Variants in RAPGEF4 observed in about 807,000 individuals in gnomAD.
RAPGEF4 encodes the protein Rap guanine nucleotide exchange factor 4.
In RAPGEF4, 66 loss-of-function variants were observed where a neutral mutation model predicts 147.9. That is an observed-to-expected ratio of 0.45 (90% CI 0.37 to 0.55). RAPGEF4 has a LOEUF of 0.55. Among genes scored for constraint, RAPGEF4 ranks in the 20% least tolerant of loss-of-function variants. The pLI is 0.00. For missense variants in RAPGEF4, 1,071 were observed against 1,257.3 expected (o/e 0.85, Z 2.24); for synonymous variants, 419 against 442.7 (o/e 0.95, Z 0.67).
chr2:172,818,659 C>T (rs1688748917), intron 4 of RAPGEF4, among the ~76,000 whole-genome samples: 1 of 152,158 alleles, frequency 6.6e-6, no homozygotes, highest in South Asian at 2.1e-4. Flanking sequence ...AGAACACTCC[C>T]ATCAGGATTC....
intron 1 of RAPGEF4, among the ~76,000 whole-genome samples, chr2:172,792,470 C>G (rs1453345685): frequency 6.6e-6 from 1 of 152,188 alleles, no homozygotes; most frequent in African/African-American, 2.4e-5. Context: ...ATCTCAGAGA[C>G]TGGGCACACA....
At chr2:172,976,516 A>G (rs990844701) in intron 10 of RAPGEF4, among the ~76,000 whole-genome samples, 6 of 152,214 alleles carry the variant, frequency 3.9e-5, no homozygotes, top group African/African-American at 1.2e-4. Flanking sequence ...TGCATCAAAA[A>G]TAAAGCATCC....
chr2:172,844,368 C>T (rs1022464264), intron 4 of RAPGEF4, among the ~76,000 whole-genome samples: 2 of 152,240 alleles, frequency 1.3e-5, no homozygotes, highest in Non-Finnish European at 1.5e-5. Flanking sequence ...GGAGAATGGG[C>T]CCTGGAAAGT....
At chr2:172,844,113 C>T (rs1207515763) in intron 4 of RAPGEF4, among the ~76,000 whole-genome samples, 2 of 152,196 alleles carry the variant, frequency 1.3e-5, no homozygotes, top group Non-Finnish European at 1.5e-5. Flanking sequence ...CCACATTAGG[C>T]TGTATTTTAC....
At chr2:172,806,873 T>C (rs1687545413) in intron 3 of RAPGEF4, among the ~76,000 whole-genome samples, 2 of 152,248 alleles carry the variant, frequency 1.3e-5, no homozygotes, top group African/African-American at 4.8e-5. Flanking sequence ...CAGTAACAAA[T>C]GTTTTTAAGC....
Position 173,000,860 on chromosome 2 carries a change from A to C in RAPGEF4, c.1580-406A>C, listed in dbSNP as rs568498019. Among the ~76,000 whole-genome samples, 4 of 151,432 alleles carry C rather than the reference A, an allele frequency of 2.6e-5. No individual in the cohort carries two copies. In the South Asian group the frequency reaches 8.3e-4, roughly 32 times the overall value. On this transcript the variant is annotated intron_variant, in intron 16 of 30. Transcript: ENST00000397081. ...CCTACCTTTCATTGCTTCTTTTGGAAATAGGAGGTGAAAAAGACATAAAAG... is the reference window on the plus strand; with the variant it reads ...CCTACCTTTCATTGCTTCTTTTGGACATAGGAGGTGAAAAAGACATAAAAG...
At chr2:172,874,647 T>C (rs1695664407) in intron 4 of RAPGEF4, among the ~76,000 whole-genome samples, 1 of 152,204 alleles carries the variant, frequency 6.6e-6, no homozygotes, top group Non-Finnish European at 1.5e-5. Flanking sequence ...CAGTCTATCA[T>C]TGTTGGACAT....
intron 16 of RAPGEF4, among the ~76,000 whole-genome samples, chr2:172,997,828 A>G (rs560021306): frequency 6.6e-6 from 1 of 152,206 alleles, no homozygotes; most frequent in Non-Finnish European, 1.5e-5. Flanking sequence ...AGTTGAAGAT[A>G]TCATTATTAT....
chr2:172,974,632 G>A lies in RAPGEF4; in HGVS notation c.1004+7188G>A, dbSNP rs187269770. ...TAGAAAGTGGAGGCTGCAGTGAGCCGTGATCATCTCACTGCTCTCCAGCCT... is the reference window on the plus strand; with the variant it reads ...TAGAAAGTGGAGGCTGCAGTGAGCCATGATCATCTCACTGCTCTCCAGCCT... On this transcript the variant is annotated intron_variant, in intron 10 of 30. Coordinates refer to ENST00000397081, the MANE Select transcript of RAPGEF4 (RefSeq NM_007023.4). Among the ~76,000 whole-genome samples the A allele has an allele frequency of 1.4e-3, 218 of 152,302 alleles. 1 individual carries two copies. The highest frequency in any genetic ancestry group is 2.3e-3 in the Non-Finnish European group (154 of 68,028).
At chr2:172,762,247 G>A (rs1172728285) in intron 1 of RAPGEF4, among the ~76,000 whole-genome samples, 1 of 152,216 alleles carries the variant, frequency 6.6e-6, no homozygotes, top group Non-Finnish European at 1.5e-5. Context: ...TGGTGAGCAT[G>A]TACAGCTCCT....
chr2:172,857,232 A>G (rs965896005), intron 4 of RAPGEF4, among the ~76,000 whole-genome samples: 1 of 152,148 alleles, frequency 6.6e-6, no homozygotes, highest in African/African-American at 2.4e-5. Flanking sequence ...GCCCAAGGTC[A>G]TACAGCTGGT....
intron 10 of RAPGEF4, among the ~76,000 whole-genome samples, chr2:172,969,937 T>C (rs6752140): frequency 0.42 from 63,913 of 151,996 alleles, 13,949 homozygotes; most frequent in South Asian, 0.61. Flanking sequence ...ATTATATCGC[T>C]AGTTGTTAAA....
intron 1 of RAPGEF4, among the ~76,000 whole-genome samples, chr2:172,754,387 T>C (rs1695571170): frequency 6.6e-6 from 1 of 152,228 alleles, no homozygotes; most frequent in African/African-American, 2.4e-5. Context: ...AATAATGTTT[T>C]ATATTAAAAA....
At chr2:172,787,801 G>A (rs749150898) in intron 1 of RAPGEF4, among the ~76,000 whole-genome samples, 3 of 151,874 alleles carry the variant, frequency 2.0e-5, no homozygotes, top group Non-Finnish European at 4.4e-5. Context: ...TAAATTTTTT[G>A]TAGAAATGTA....
At chr2:172,857,158 A>G (rs1167034869) in intron 4 of RAPGEF4, among the ~76,000 whole-genome samples, 3 of 147,980 alleles carry the variant, frequency 2.0e-5, no homozygotes, top group East Asian at 2.0e-4. Flanking sequence ...AATTTAAAAT[A>G]CGCGCGTGTG....
intron 17 of RAPGEF4, among the ~76,000 whole-genome samples, chr2:173,007,096 T>C (rs960892647): frequency 3.3e-5 from 5 of 152,192 alleles, no homozygotes; most frequent in African/African-American, 1.2e-4. Flanking sequence ...TTTTTCACAA[T>C]AGGGAAAGTG....
At chr2:173,005,892 A>G (rs1412725072) in intron 17 of RAPGEF4, among the ~76,000 whole-genome samples, 1 of 152,158 alleles carries the variant, frequency 6.6e-6, no homozygotes, top group Non-Finnish European at 1.5e-5. Flanking sequence ...TCCTGCATAT[A>G]CTGGTAGACA....
intron 4 of RAPGEF4, among the ~76,000 whole-genome samples, chr2:172,831,050 GA>G (rs565896866): frequency 1.9e-4 from 29 of 151,920 alleles, no homozygotes; most frequent in African/African-American, 6.3e-4. Context: ...TCCTGAAAAA[GA>G]AAAATCAATT....
chr2:173,004,794 G>T (rs1466955352), intron 17 of RAPGEF4, among the ~76,000 whole-genome samples: 1 of 151,776 alleles, frequency 6.6e-6, no homozygotes, highest in Non-Finnish European at 1.5e-5. Context: ...ACATTTTTAT[G>T]TTCATAAGAT....
Sources: gnomAD v4.1 joint callset for allele counts (sites outside exome capture counted in the v4.1 genomes callset) on GRCh38, gnomAD v4.1.1 for gene constraint, MANE v1.5 for transcripts, NCBI Gene and HGNC (gene_info 2026-07-23, HGNC 2026-07-21) for gene names.